The following GRIA1 variants were observed in gnomAD, a reference collection of about 807,000 sequenced individuals.
GRIA1 encodes glutamate receptor 1.
GRIA1 carries 31 observed loss-of-function variants against 99.2 expected under a neutral mutation model. The observed-to-expected ratio is 0.31, with a 90% CI of 0.23 to 0.42. The LOEUF is 0.42. GRIA1 is among the 10% of genes least tolerant of loss of function. The pLI is 1.00. For missense variants in GRIA1, 782 were observed against 1,157.5 expected (o/e 0.68, Z 4.71); for synonymous variants, 438 against 432.4 (o/e 1.01, Z -0.16).
intron 8 of GRIA1, among the ~76,000 whole-genome samples, chr5:153,686,947 C>A (rs1424039451): frequency 6.6e-6 from 1 of 152,140 alleles, no homozygotes; most frequent in Non-Finnish European, 1.5e-5. Context: ...CCACTCCAGT[C>A]ATTCTGTTTG....
chr5:153,664,983 C>T (rs1755641324), intron 5 of GRIA1, among the ~76,000 whole-genome samples: 1 of 152,140 alleles, frequency 6.6e-6, no homozygotes, highest in African/African-American at 2.4e-5. Context: ...GTTTTAAGTC[C>T]ACTGGGAACT....
chr5:153,750,152 C>T (rs1018577200), intron 11 of GRIA1, among the ~76,000 whole-genome samples: 1 of 152,102 alleles, frequency 6.6e-6, no homozygotes, highest in African/African-American at 2.4e-5. Context: ...GAAGTGGCCT[C>T]ATCAGTGGAA....
chr5:153,675,857 TA>T (rs1489460796), intron 6 of GRIA1, among the ~76,000 whole-genome samples: 1 of 124,166 alleles, frequency 8.1e-6, no homozygotes, highest in Non-Finnish European at 1.7e-5. Flanking sequence ...AAATGTAATT[TA>T]ATTTTTTTTT....
chr5:153,532,651 C>A (rs370407968), intron 2 of GRIA1, among the ~76,000 whole-genome samples: 3 of 152,254 alleles, frequency 2.0e-5, no homozygotes, highest in Non-Finnish European at 1.5e-5. Context: ...TGACACCCAC[C>A]AGGCTCACTG....
At chr5:153,562,306 G>A (rs1761199333) in intron 2 of GRIA1, among the ~76,000 whole-genome samples, 1 of 152,090 alleles carries the variant, frequency 6.6e-6, no homozygotes, top group Admixed American at 6.6e-5. Flanking sequence ...GGAGTTACAG[G>A]ATGTGAGACT....
chr5:153,626,384 G>A (rs76538467), intron 2 of GRIA1, among the ~76,000 whole-genome samples: 21,453 of 151,596 alleles, frequency 0.14, 1,707 homozygotes, highest in Middle Eastern at 0.2. Flanking sequence ...AGCTATGCCA[G>A]GCCTTGACTC....
At position 153,706,074 on chromosome 5, in the gene GRIA1, C is replaced by T. The variant is rs949906013; in HGVS notation, c.1823+7C>T. ...GATGTGACATTTCTCCCAGGTCAGT[C>T]AGCTCTTCTCAATCCCTTTGCCTAA... On this transcript the variant is annotated splice_region_variant and intron_variant, in intron 11 of 15. Coordinates refer to ENST00000285900, the MANE Select transcript of GRIA1 (RefSeq NM_000827.4). The T allele has an allele frequency of 5.0e-6, 8 of 1,613,136 alleles. No homozygotes were observed. Among genetic ancestry groups the T allele is most frequent in the Non-Finnish European group, 6.8e-6 (8 of 1,179,374 alleles).
chr5:153,729,571 G>C (rs567679586), intron 11 of GRIA1, among the ~76,000 whole-genome samples: 1 of 151,974 alleles, frequency 6.6e-6, no homozygotes, highest in East Asian at 1.9e-4. Context: ...CACAGAAAGA[G>C]CAAACTCATC....
intron 2 of GRIA1, among the ~76,000 whole-genome samples, chr5:153,579,896 C>A (rs866303917): frequency 5.2e-4 from 76 of 145,394 alleles, no homozygotes; most frequent in African/African-American, 1.8e-3. Flanking sequence ...AACAAACAAA[C>A]AAAAAAAAAA....
At chr5:153,658,906 G>A (rs958751303) in intron 5 of GRIA1, among the ~76,000 whole-genome samples, 11 of 152,082 alleles carry the variant, frequency 7.2e-5, no homozygotes, top group African/African-American at 2.2e-4. Context: ...AAGGGCTGCC[G>A]GAAGAGAGGA....
At chr5:153,798,228 G>T (rs925883874) in intron 14 of GRIA1, among the ~76,000 whole-genome samples, 1 of 152,128 alleles carries the variant, frequency 6.6e-6, no homozygotes, top group African/African-American at 2.4e-5. Flanking sequence ...TTCTCACTTT[G>T]GTCTTAGCTA....
Position 153,633,108 on chromosome 5 carries a change from AG to A in GRIA1, c.221-13816del, listed in dbSNP as rs1753098262. ...TAGGAATGAGGCTGGAGAGTGAATC[AG>A]GGGCAGGGAGGCTCCTGCTCATGGA... On this transcript the variant is annotated intron_variant, in intron 2 of 15. Coordinates refer to ENST00000285900, the MANE Select transcript of GRIA1 (RefSeq NM_000827.4). Among the ~76,000 whole-genome samples the A allele has an allele frequency of 5.4e-5, 7 of 130,692 alleles. No homozygotes were observed. In the South Asian group the frequency reaches 1.7e-3, roughly 31 times the overall value. 85.7% of individuals were successfully genotyped at this position (130,692 alleles called of 152,430 possible). A position where few individuals can be genotyped will look rare whatever the true frequency, so the allele number is the denominator to read the frequency against.
intron 2 of GRIA1, among the ~76,000 whole-genome samples, chr5:153,646,030 A>C (rs966054451): frequency 3.9e-5 from 6 of 152,224 alleles, no homozygotes; most frequent in Admixed American, 3.3e-4. Context: ...ATCATATAGT[A>C]AAACAAAGTT....
At chr5:153,712,304 A>T (rs1759369344) in intron 11 of GRIA1, among the ~76,000 whole-genome samples, 1 of 151,664 alleles carries the variant, frequency 6.6e-6, no homozygotes, top group Non-Finnish European at 1.5e-5. Flanking sequence ...CCCACCTCAG[A>T]CTCCCAAAGT....
intron 11 of GRIA1, among the ~76,000 whole-genome samples, chr5:153,722,693 C>G (rs1760165286): frequency 6.6e-6 from 1 of 152,166 alleles, no homozygotes; most frequent in South Asian, 2.1e-4. Context: ...ATTACCTTAT[C>G]TTAACTACTT....
intron 8 of GRIA1, among the ~76,000 whole-genome samples, chr5:153,690,095 CCCTGGGTACTCTGCTTCTGGAGAA>C (rs1757639539): frequency 6.6e-6 from 1 of 152,122 alleles, no homozygotes; most frequent in Non-Finnish European, 1.5e-5. Context: ...GGGTCCCAGC[CCCTGGGTACTCTGCTTCTGGAGAA>C]CAGAGATGAA....
intron 2 of GRIA1, among the ~76,000 whole-genome samples, chr5:153,549,702 C>G (rs942869396): frequency 3.3e-5 from 5 of 152,144 alleles, no homozygotes; most frequent in African/African-American, 7.2e-5. Flanking sequence ...AATTGTCAGG[C>G]AACCCACTTG....
intron 2 of GRIA1, among the ~76,000 whole-genome samples, chr5:153,577,553 C>A (rs971635046): frequency 2.0e-5 from 3 of 152,174 alleles, no homozygotes; most frequent in African/African-American, 7.2e-5. Flanking sequence ...TGCTCACTTC[C>A]ATCCCAAAGT....
intron 14 of GRIA1, 100 bp from the exon 15 acceptor site, chr5:153,802,256 G>C: frequency 1.1e-6 from 1 of 934,030 alleles, no homozygotes; most frequent in Non-Finnish European, 1.7e-6. Context: ...GTGTGGGGTT[G>C]TGTGTATGTG....
Sources: gnomAD v4.1 joint callset for allele counts (sites outside exome capture counted in the v4.1 genomes callset) on GRCh38, gnomAD v4.1.1 for gene constraint, MANE v1.5 for transcripts, NCBI Gene and HGNC (gene_info 2026-07-23, HGNC 2026-07-21) for gene names.